Variants in PPARGC1A observed in about 807,000 individuals in gnomAD.
PPARGC1A encodes PPARG coactivator 1 alpha.
In PPARGC1A, 25 loss-of-function variants were observed where a neutral mutation model predicts 88.7. The ratio of observed to expected loss-of-function variants is 0.28; its 90% confidence interval spans 0.21 to 0.39. The LOEUF is 0.39. Among genes scored for constraint, PPARGC1A ranks in the 10% least tolerant of loss-of-function variants. The pLI is 1.00. For synonymous variants in PPARGC1A, 363 were observed against 355.6 expected, an observed-to-expected ratio of 1.02 and a Z score of -0.24; for missense variants, 880 against 968.7, an observed-to-expected ratio of 0.91 and a Z score of 1.22.
At chr4:23,957,105 C>T in the PPARGC1A span, among the ~76,000 whole-genome samples, 3 of 152,058 alleles carry the variant, frequency 2.0e-5, no homozygotes, top group Non-Finnish European at 4.4e-5. Flanking sequence ...CTAATCACAG[C>T]GAAGTGCTTC....
the PPARGC1A span, among the ~76,000 whole-genome samples, chr4:24,161,961 TACACACACACACACACACACACACACAC>T: frequency 3.0e-5 from 4 of 133,862 alleles, no homozygotes; most frequent in South Asian, 2.6e-4. Flanking sequence ...AATTGTGATA[TACACACACACACACACACACACACACAC>T]ACACACACAC....
At chr4:24,380,638 G>A in the PPARGC1A span, among the ~76,000 whole-genome samples, 1 of 152,116 alleles carries the variant, frequency 6.6e-6, no homozygotes, top group Admixed American at 6.5e-5. Context: ...TACCAGTTAG[G>A]AGATTCTGAC....
chr4:24,113,575 T>C, the PPARGC1A span, among the ~76,000 whole-genome samples: 7 of 152,294 alleles, frequency 4.6e-5, no homozygotes, highest in African/African-American at 1.7e-4. Context: ...TTGATTGCTC[T>C]TTGTTAGAAA....
chr4:24,159,045 C>T, the PPARGC1A span, among the ~76,000 whole-genome samples: 5 of 151,838 alleles, frequency 3.3e-5, no homozygotes, highest in Admixed American at 6.6e-5. Context: ...ATCTTAGACT[C>T]GATAAAGTAT....
chr4:23,851,653 A>G (rs577606232), intron 2 of PPARGC1A, among the ~76,000 whole-genome samples: 73 of 152,304 alleles, frequency 4.8e-4, no homozygotes, highest in African/African-American at 1.8e-3. Flanking sequence ...AGTTCTTGCA[A>G]AAAACTTAAC....
chr4:24,126,627 T>A, the PPARGC1A span, among the ~76,000 whole-genome samples: 1 of 152,156 alleles, frequency 6.6e-6, no homozygotes, highest in Non-Finnish European at 1.5e-5. Context: ...TGTGCAGACA[T>A]AATGGCAGGA....
chr4:24,362,495 T>C, the PPARGC1A span, among the ~76,000 whole-genome samples: 9 of 152,140 alleles, frequency 5.9e-5, no homozygotes, highest in Non-Finnish European at 1.3e-4. Context: ...TTTTCTAAAG[T>C]AGGTGCAGGT....
At chr4:23,832,534 A>G (rs1431432308) in intron 2 of PPARGC1A, among the ~76,000 whole-genome samples, 1 of 151,888 alleles carries the variant, frequency 6.6e-6, no homozygotes, top group African/African-American at 2.4e-5. Context: ...TTACTTTGTA[A>G]TGTTTGTTAA....
chr4:23,831,483 G>T, intron 3 of PPARGC1A, 74 bp downstream of exon 3: 1 of 1,342,230 alleles, frequency 7.5e-7, no homozygotes. Flanking sequence ...ACCTTATTGT[G>T]ACTACATCAT....
the PPARGC1A span, among the ~76,000 whole-genome samples, chr4:24,278,809 C>T: frequency 6.6e-6 from 1 of 152,098 alleles, no homozygotes; most frequent in African/African-American, 2.4e-5. Flanking sequence ...TTACTTCCCC[C>T]TCACCAGAAG....
the PPARGC1A span, among the ~76,000 whole-genome samples, chr4:24,116,112 C>A: frequency 3.3e-5 from 5 of 152,154 alleles, no homozygotes; most frequent in Non-Finnish European, 7.4e-5. Context: ...AGCAAGTCCA[C>A]CCCCTTGCTT....
the PPARGC1A span, among the ~76,000 whole-genome samples, chr4:24,219,938 A>G: frequency 2.0e-5 from 3 of 152,224 alleles, no homozygotes; most frequent in African/African-American, 7.2e-5. Context: ...AATTTTAGAC[A>G]TAAAGTTTGA....
At chr4:24,295,651 G>A in the PPARGC1A span, among the ~76,000 whole-genome samples, 1 of 150,358 alleles carries the variant, frequency 6.7e-6, no homozygotes, top group Non-Finnish European at 1.5e-5. Context: ...TATATTCATA[G>A]TTTTTTGTGT....
At chr4:24,039,821 G>A in the PPARGC1A span, among the ~76,000 whole-genome samples, 1 of 152,128 alleles carries the variant, frequency 6.6e-6, no homozygotes, top group African/African-American at 2.4e-5. Context: ...GCACTCGATA[G>A]AAACGTAGCC....
At chr4:24,137,928 A>C in the PPARGC1A span, among the ~76,000 whole-genome samples, 1 of 152,216 alleles carries the variant, frequency 6.6e-6, no homozygotes, top group African/African-American at 2.4e-5. Context: ...CAACAAGCCC[A>C]GTTATCAAGC....
the PPARGC1A span, among the ~76,000 whole-genome samples, chr4:24,042,608 C>T: frequency 2.3e-3 from 355 of 152,252 alleles, no homozygotes; most frequent in African/African-American, 8.1e-3. Context: ...CAATAGATAC[C>T]GGACCACATA....
At chr4:24,124,369 C>G in the PPARGC1A span, among the ~76,000 whole-genome samples, 1 of 152,166 alleles carries the variant, frequency 6.6e-6, no homozygotes, top group Non-Finnish European at 1.5e-5. Context: ...TACCTACTTG[C>G]CAGTTATTTT....
the PPARGC1A span, among the ~76,000 whole-genome samples, chr4:24,084,203 C>T: frequency 0.028 from 4,206 of 152,272 alleles, 187 homozygotes; most frequent in African/African-American, 0.094. Context: ...ATTAAATGAC[C>T]GAGCAGGTGA....
chr4:23,923,313 T>C, the PPARGC1A span, among the ~76,000 whole-genome samples: 2 of 152,160 alleles, frequency 1.3e-5, no homozygotes, highest in African/African-American at 2.4e-5. Flanking sequence ...CGTGGTTGTA[T>C]GCTTGACTCA....
Sources: gnomAD v4.1 joint callset for allele counts (sites outside exome capture counted in the v4.1 genomes callset) on GRCh38, gnomAD v4.1.1 for gene constraint, MANE v1.5 for transcripts, NCBI Gene and HGNC (gene_info 2026-07-23, HGNC 2026-07-21) for gene names.